ANO6: variants seen among roughly 807,000 people sequenced by gnomAD.
The protein encoded by ANO6 is anoctamin-6.
ANO6 carries 106 observed loss-of-function variants against 117.5 expected under a neutral mutation model. That is an observed-to-expected ratio of 0.90 (90% CI 0.77 to 1.06). The LOEUF (loss-of-function observed/expected upper bound fraction) is 1.06, where lower values mean the gene tolerates loss of function less well. Among genes scored for constraint, ANO6 ranks in the 50% least tolerant of loss-of-function variants. The pLI is 0.00. For missense variants in ANO6, 955 were observed against 1,121.1 expected (o/e 0.85, Z 2.12); for synonymous variants, 367 against 385.1 (o/e 0.95, Z 0.55).
intron 1 of ANO6, among the ~76,000 whole-genome samples, chr12:45,298,459 G>C (rs932449633): frequency 6.6e-5 from 10 of 152,150 alleles, no homozygotes; most frequent in African/African-American, 2.2e-4. Flanking sequence ...TTTCAGTTGT[G>C]TTAGATTACC....
chr12:45,250,158 A>G (rs911056299), intron 1 of ANO6, among the ~76,000 whole-genome samples: 1 of 152,230 alleles, frequency 6.6e-6, no homozygotes. Flanking sequence ...CAATGACTGT[A>G]TAAGTACTAA....
intron 1 of ANO6, among the ~76,000 whole-genome samples, chr12:45,279,815 G>A (rs1015225933): frequency 8.5e-5 from 13 of 152,338 alleles, no homozygotes; most frequent in African/African-American, 3.1e-4. Flanking sequence ...CTGAACACCG[G>A]AATAGGAAAC....
chr12:45,390,515 A>G lies in ANO6; in HGVS notation c.1386+17A>G. 6.3e-7 allele frequency: 1 copy of G among 1,599,790 alleles called. No homozygotes were observed. The highest frequency in any genetic ancestry group is 8.6e-7 in the Non-Finnish European group (1 of 1,167,478). ...TTTTTCTGGGTAATTCTATCACAAA[A>G]ATGTTTTGAATGATTAAAAATGTTT... On this transcript the variant is annotated intron_variant, in intron 12 of 19. Transcript: ENST00000320560.
chr12:45,375,351 CTACTT>C (rs1400222615), intron 9 of ANO6, among the ~76,000 whole-genome samples: 1 of 152,186 alleles, frequency 6.6e-6, no homozygotes, highest in East Asian at 1.9e-4. Context: ...TTGGAAAAAA[CTACTT>C]TAAAGTTCAT....
intron 16 of ANO6, among the ~76,000 whole-genome samples, chr12:45,415,729 A>C (rs983646834): frequency 1.3e-5 from 2 of 152,114 alleles, no homozygotes; most frequent in South Asian, 2.1e-4. Context: ...CTCTGACCAG[A>C]AGCAAATGCC....
chr12:45,341,141 C>T (rs1241516144), intron 3 of ANO6, among the ~76,000 whole-genome samples: 7 of 152,170 alleles, frequency 4.6e-5, no homozygotes, highest in South Asian at 2.1e-4. Context: ...AAACCAACTC[C>T]AAGGTCTACC....
intron 16 of ANO6, among the ~76,000 whole-genome samples, chr12:45,411,644 T>G (rs979401286): frequency 3.3e-5 from 5 of 152,212 alleles, no homozygotes; most frequent in Admixed American, 6.5e-5. Flanking sequence ...AAATTGTGGC[T>G]CTAACTGCTT....
At chr12:45,336,225 T>C (rs1200857344) in intron 3 of ANO6, among the ~76,000 whole-genome samples, 1 of 152,078 alleles carries the variant, frequency 6.6e-6, no homozygotes, top group Non-Finnish European at 1.5e-5. Flanking sequence ...CTTTTTCTTA[T>C]ATCTATTGAG....
At chr12:45,259,457 G>A (rs980793926) in intron 1 of ANO6, among the ~76,000 whole-genome samples, 3 of 152,192 alleles carry the variant, frequency 2.0e-5, no homozygotes, top group African/African-American at 4.8e-5. Flanking sequence ...CCTAGAAATG[G>A]ATAAGGTGAG....
chr12:45,326,874 G>A (rs573069021), intron 2 of ANO6, among the ~76,000 whole-genome samples: 1 of 152,292 alleles, frequency 6.6e-6, no homozygotes, highest in East Asian at 1.9e-4. Context: ...GCACCATCCA[G>A]GGATGCATAG....
At chr12:45,268,990 A>G (rs946608961) in intron 1 of ANO6, among the ~76,000 whole-genome samples, 1 of 152,162 alleles carries the variant, frequency 6.6e-6, no homozygotes, top group African/African-American at 2.4e-5. Flanking sequence ...ATCAAGATTT[A>G]TGGTGGAGAC....
At position 45,431,391 on chromosome 12, in the gene ANO6, A is replaced by T. The variant is rs748631293; in HGVS notation, c.*2080A>T. On this transcript the variant is annotated 3_prime_UTR_variant, in exon 20 of 20. Coordinates refer to ENST00000320560, the MANE Select transcript of ANO6 (RefSeq NM_001025356.3). The stretch of plus-strand genomic sequence containing the variant: ...TGTTTAAATTTGGCAGTTACTCGCC[A>T]TGTATGTCAGCATAGAAAAGGAAAT... 1.2e-5 allele frequency: 12 copies of T among 985,294 alleles called. No individual in the cohort carries two copies. The highest frequency in any genetic ancestry group is 1.4e-5 in the Non-Finnish European group (12 of 829,942). The allele number at this position is 985,294 out of a possible 1,614,324, so 61.0% of individuals were successfully genotyped here. A position where few individuals can be genotyped will look rare whatever the true frequency, so the allele number is the denominator to read the frequency against.
chr12:45,357,756 C>G (rs150787325), intron 8 of ANO6, among the ~76,000 whole-genome samples: 33 of 152,300 alleles, frequency 2.2e-4, no homozygotes, highest in Admixed American at 4.6e-4. Flanking sequence ...CTCAGCCCTG[C>G]AGATGTGAGC....
intron 1 of ANO6, among the ~76,000 whole-genome samples, chr12:45,255,789 C>T (rs962861955): frequency 6.7e-6 from 1 of 148,642 alleles, no homozygotes; most frequent in Non-Finnish European, 1.5e-5. Flanking sequence ...ATCTCCATCT[C>T]CATCTGGCCC....
chr12:45,294,622 A>G (rs969743044), intron 1 of ANO6, among the ~76,000 whole-genome samples: 4 of 152,234 alleles, frequency 2.6e-5, no homozygotes, highest in Admixed American at 6.5e-5. Flanking sequence ...TAATGTAAAT[A>G]GTAAGTCATT....
chr12:45,301,698 C>T (rs1939495123), intron 1 of ANO6, among the ~76,000 whole-genome samples: 1 of 151,878 alleles, frequency 6.6e-6, no homozygotes, highest in African/African-American at 2.4e-5. Flanking sequence ...AACAGAACAT[C>T]AGTAAAGTGT....
chr12:45,401,647 C>T, intron 12 of ANO6, 148 bp from the exon 13 acceptor site: 2 of 696,570 alleles, frequency 2.9e-6, no homozygotes, highest in South Asian at 3.3e-5. Context: ...AAAAATTTAA[C>T]ATGCCAGACT....
chr12:45,289,363 T>C lies in ANO6; in HGVS notation c.71-12651T>C, dbSNP rs192015364. On this transcript the variant is annotated intron_variant, in intron 1 of 19. Transcript: ENST00000320560. ...TGTATTTTTTCAGTAGAGATGGGGT[T>C]TCACCATTTTGGTCAGGCTGATCTT... 6.5e-3 allele frequency among the ~76,000 whole-genome samples: 988 copies of C among 152,166 alleles called. 9 individuals are homozygous for C. The highest frequency in any genetic ancestry group is 0.022 in the African/African-American group (912 of 41,524).
At chr12:45,404,308 C>T (rs1422188066) in intron 15 of ANO6, among the ~76,000 whole-genome samples, 2 of 152,174 alleles carry the variant, frequency 1.3e-5, no homozygotes, top group Non-Finnish European at 2.9e-5. Context: ...TTACAATTTT[C>T]ACTTAGGCCC....
Sources: gnomAD v4.1 joint callset for allele counts (sites outside exome capture counted in the v4.1 genomes callset) on GRCh38, gnomAD v4.1.1 for gene constraint, MANE v1.5 for transcripts, NCBI Gene and HGNC (gene_info 2026-07-23, HGNC 2026-07-21) for gene names.